Variants in TCF4 observed in about 807,000 individuals in gnomAD.
The protein encoded by TCF4 is transcription factor 4.
In TCF4, 3 loss-of-function variants were observed where a neutral mutation model predicts 82.1. That is an observed-to-expected ratio of 0.04 (90% CI 0.02 to 0.09). The LOEUF (loss-of-function observed/expected upper bound fraction) is 0.09. Ranked by LOEUF, TCF4 falls within the 10% of genes least tolerant of loss-of-function variation. The pLI, the probability that TCF4 is intolerant of heterozygous loss-of-function variation, is 1.00. For missense variants in TCF4, 518 were observed against 852.7 expected (o/e 0.61, Z 4.89); for synonymous variants, 276 against 309.6 (o/e 0.89, Z 1.14).
chr18:55,276,915 T>C (rs1196493751), intron 9 of TCF4, among the ~76,000 whole-genome samples: 3 of 152,202 alleles, frequency 2.0e-5, no homozygotes, highest in Admixed American at 2.0e-4. Flanking sequence ...TGGACTCATT[T>C]CATATTGGGA....
At chr18:55,322,445 A>C (rs962328313) in intron 8 of TCF4, 4 of 1,008,320 alleles carry the variant, frequency 4.0e-6, no homozygotes, top group South Asian at 4.7e-5. Flanking sequence ...AAAAAAAAAA[A>C]AAAAACACCA....
intron 3 of TCF4, among the ~76,000 whole-genome samples, chr18:55,515,270 T>C (rs1396717180): frequency 6.6e-6 from 1 of 152,012 alleles, no homozygotes; most frequent in Non-Finnish European, 1.5e-5. Context: ...CGGAAAAAAA[T>C]GGCCTCACCA....
intron 16 of TCF4, among the ~76,000 whole-genome samples, chr18:55,234,097 C>A (rs185430423): frequency 1.1e-4 from 16 of 152,202 alleles, no homozygotes; most frequent in Admixed American, 5.2e-4. Context: ...CATTAGAGGG[C>A]TAGATGACTC....
Position 55,293,692 on chromosome 18 carries a change from T to C in TCF4, c.550-14036A>G, listed in dbSNP as rs537484607. Among the ~76,000 whole-genome samples the C allele has an allele frequency of 2.1e-4, 32 of 152,284 alleles. 2 individuals are homozygous for C. The South Asian group carries it at 5.4e-3, about 26-fold the overall frequency. ...AGTAGGGGCCCTAAGGTATTTAATT[T>C]GTAGAGCATGTCCAGTGCCTGAATG... On this transcript the variant is annotated intron_variant, in intron 8 of 19. Transcript: ENST00000354452.
Position 55,407,983 on chromosome 18 carries a change from T to C in TCF4, c.305-4465A>G, listed in dbSNP as rs776290702. On this transcript the variant is annotated intron_variant, in intron 5 of 19. Coordinates refer to ENST00000354452, the MANE Select transcript of TCF4 (RefSeq NM_001083962.2). ...CCTTTGGTAGATTACTGCCCCTGGA[T>C]ACACATGACAGTTCTAAACCACCTA... is the stretch of plus-strand genomic sequence containing the variant. Among the ~76,000 whole-genome samples the C allele has an allele frequency of 5.9e-5, 9 of 152,120 alleles. 1 individual carries two copies.
In TCF4 at chr18:55,234,702, C is replaced by T. The variant is rs200963418; in HGVS notation, c.1351-19G>A. The T allele has an allele frequency of 2.3e-3, 3,749 of 1,613,946 alleles. 4 individuals are homozygous for T. The highest frequency in any genetic ancestry group is 2.9e-3 in the Non-Finnish European group (3,377 of 1,180,002). ...TCCCCACCTGAAAGGGCGAGAGGAA[C>T]CAGAGAGGTGAGCAGGAACCGGAGG... On this transcript the variant is annotated intron_variant, in intron 15 of 19. Transcript: ENST00000354452.
chr18:55,423,421 GCGCGCGCA>G (rs2094850939), intron 5 of TCF4: 1 of 118,232 alleles, frequency 8.5e-6, no homozygotes, highest in African/African-American at 4.2e-5. Context: ...AGGCACACGC[GCGCGCGCA>G]CACACACACA....
At chr18:55,572,230 G>A (rs1429702396) in intron 3 of TCF4, among the ~76,000 whole-genome samples, 4 of 152,248 alleles carry the variant, frequency 2.6e-5, no homozygotes, top group Middle Eastern at 3.4e-3. Flanking sequence ...CATGCCCACA[G>A]TATTACCCCA....
intron 6 of TCF4, among the ~76,000 whole-genome samples, chr18:55,375,735 C>T (rs560812436): frequency 4.0e-5 from 6 of 151,836 alleles, no homozygotes; most frequent in African/African-American, 1.4e-4. Context: ...CTCAGCTAAC[C>T]AATGAAAAAA....
chr18:55,603,882 G>A (rs1603625269), intron 2 of TCF4, among the ~76,000 whole-genome samples: 1 of 152,244 alleles, frequency 6.6e-6, no homozygotes, highest in Middle Eastern at 3.4e-3. Context: ...CAATTTCTCC[G>A]AGCTCTGGGT....
At chr18:55,532,886 A>G (rs9636107) in intron 3 of TCF4, among the ~76,000 whole-genome samples, 76,975 of 151,908 alleles carry the variant, frequency 0.51, 19,970 homozygotes, top group East Asian at 0.83. Flanking sequence ...ACATTCCTTA[A>G]CTTACCTCTC....
At chr18:55,390,785 T>G (rs975776518) in intron 6 of TCF4, among the ~76,000 whole-genome samples, 1 of 152,212 alleles carries the variant, frequency 6.6e-6, no homozygotes, top group African/African-American at 2.4e-5. Context: ...CAAAAACTGA[T>G]AGGGTGTGTG....
chr18:55,235,988 C>T (rs908558492), intron 15 of TCF4, among the ~76,000 whole-genome samples: 3 of 152,098 alleles, frequency 2.0e-5, no homozygotes, highest in Non-Finnish European at 4.4e-5. Context: ...TATTAAGTAT[C>T]ACCTATAATA....
chr18:55,337,148 G>A (rs567572631), intron 8 of TCF4, among the ~76,000 whole-genome samples: 101 of 151,970 alleles, frequency 6.6e-4, no homozygotes, highest in Non-Finnish European at 1.3e-3. Context: ...CTAATTTTAC[G>A]TGAGAATGTG....
intron 6 of TCF4, among the ~76,000 whole-genome samples, chr18:55,390,587 T>C (rs1177659833): frequency 1.3e-5 from 2 of 152,322 alleles, no homozygotes; most frequent in Non-Finnish European, 2.9e-5. Flanking sequence ...AGAGGAAAGA[T>C]AAAATTATCT....
intron 3 of TCF4, among the ~76,000 whole-genome samples, chr18:55,480,360 T>C (rs1427515087): frequency 6.6e-6 from 1 of 151,526 alleles, no homozygotes; most frequent in Non-Finnish European, 1.5e-5. Flanking sequence ...AGCATGATAT[T>C]TGACACCAAA....
At chr18:55,536,084 GTTAT>G (rs1431503965) in intron 3 of TCF4, among the ~76,000 whole-genome samples, 1 of 151,998 alleles carries the variant, frequency 6.6e-6, no homozygotes, top group Non-Finnish European at 1.5e-5. Flanking sequence ...CTAAAGTTGC[GTTAT>G]TTTTCACAAT....
At chr18:55,635,948 T>G in exon 1 of TCF4, 1 of 1,584,406 alleles carries the variant, frequency 6.3e-7, no homozygotes, top group African/African-American at 1.4e-5. Flanking sequence ...AAGGTGATAC[T>G]GTAGACATCA....
intron 15 of TCF4, among the ~76,000 whole-genome samples, chr18:55,251,001 T>C (rs2145354710): frequency 6.6e-6 from 1 of 152,128 alleles, no homozygotes; most frequent in Middle Eastern, 3.4e-3. Flanking sequence ...GGGTATTAGG[T>C]GTACAGAGAT....
Sources: allele counts gnomAD v4.1 joint callset (sites outside exome capture counted in the v4.1 genomes callset), GRCh38; gene constraint gnomAD v4.1.1; transcripts MANE v1.5; gene names NCBI Gene and HGNC (gene_info 2026-07-23, HGNC 2026-07-21).